Variants in ZNF195 observed in about 807,000 individuals in gnomAD.
The protein encoded by ZNF195 is hypoxia-regulated factor-1.
ZNF195 carries 11 observed loss-of-function variants against 19.5 expected under a neutral mutation model. That is an observed-to-expected ratio of 0.57 (90% CI 0.36 to 0.94). The LOEUF (loss-of-function observed/expected upper bound fraction) is 0.94. Ranked by LOEUF, ZNF195 falls within the 40% of genes least tolerant of loss-of-function variation. The pLI is 0.01. For missense variants in ZNF195, 582 were observed against 709.0 expected, an observed-to-expected ratio of 0.82 and a Z score of 2.03; for synonymous variants, 214 against 248.1, an observed-to-expected ratio of 0.86 and a Z score of 1.29.
intron 1 of ZNF195, chr11:3,377,606 T>A: frequency 8.3e-7 from 1 of 1,207,774 alleles, no homozygotes; most frequent in Non-Finnish European, 1.1e-6. Context: ...CTTAATGTCC[T>A]AAGTGGTTAC....
chr11:3,366,722 G>A (rs1589808663), intron 3 of ZNF195: 2 of 217,942 alleles, frequency 9.2e-6, no homozygotes, highest in African/African-American at 2.3e-5. Flanking sequence ...TGAAAACCAC[G>A]TAACCTGCTG....
At chr11:3,378,102 G>T (rs1849554635) in intron 1 of ZNF195, among the ~76,000 whole-genome samples, 1 of 152,108 alleles carries the variant, frequency 6.6e-6, no homozygotes, top group Non-Finnish European at 1.5e-5. Context: ...ATGAGGTCAG[G>T]AGTTCAAGAC....
chr11:3,372,439 C>T lies in ZNF195; in HGVS notation c.4-736G>A, dbSNP rs563652859. 2.8e-4 allele frequency among the ~76,000 whole-genome samples: 43 copies of T among 152,330 alleles called. No homozygotes were observed. In the South Asian group the frequency reaches 7.7e-3, roughly 27 times the overall value. ...ACTGTAATAGGACAGATTTTTATCA[C>T]GTGCCAATGCACAGAGAAGGACATA... On this transcript the variant is annotated intron_variant, in intron 1 of 5. Transcript: ENST00000399602.
intron 1 of ZNF195, chr11:3,373,654 C>T (rs1849320532): frequency 1.9e-6 from 3 of 1,547,022 alleles, no homozygotes; most frequent in Non-Finnish European, 2.6e-6. Flanking sequence ...GGACAAATCA[C>T]ACCTGCATCG....
rs753074260 is a variant in ZNF195, at chr11:3,366,836, G to A, written c.226+4139C>T. ...CCCCAGCACTTCGGGAGACCGAGGCGGGTGGATCACTTGAGCCCAGGAGTC... is the reference window on the plus strand; with the variant it reads ...CCCCAGCACTTCGGGAGACCGAGGCAGGTGGATCACTTGAGCCCAGGAGTC... On this transcript the variant is annotated intron_variant, in intron 3 of 5. Coordinates refer to ENST00000399602, the MANE Select transcript of ZNF195 (RefSeq NM_001130520.3). 1.3e-4 allele frequency: 55 copies of A among 418,860 alleles called. No homozygotes were observed. In the East Asian group the frequency reaches 1.6e-3, roughly 12 times the overall value. The allele number at this position is 418,860 out of a possible 1,614,324, so 25.9% of individuals were successfully genotyped here.
Position 3,361,781 on chromosome 11 carries a change from G to A in ZNF195, c.335C>T (p.Ala112Val), listed in dbSNP as rs756985728. Residue 112 changes from alanine (A) to valine (V), a missense_variant, in exon 4 of 6, where the codon GCC (alanine) becomes GTC (valine). Ala to Val is a moderately conservative substitution (Grantham distance 64). Around this residue, in one of 3 missense-constraint regions of ZNF195, gnomAD observed 129 missense variants for 112.1 expected, o/e 1.15. Transcript: ENST00000399602. ...SAGITGVNHR[A>V]QPGLNVSVDK... Reference sequence around the variant, plus strand: ...CACAGAAACATTGAGGCCTGGCTGGGCACGGTGGTTCACACCTGTAATCCC... The same window carrying A: ...CACAGAAACATTGAGGCCTGGCTGGACACGGTGGTTCACACCTGTAATCCC... The A allele has an allele frequency of 1.1e-4, 143 of 1,244,494 alleles. No individual in the cohort carries two copies. Among genetic ancestry groups the A allele is most frequent in the Non-Finnish European group, 1.5e-4 (143 of 934,824 alleles). 77.1% of individuals were successfully genotyped at this position (1,244,494 alleles called of 1,614,324 possible). A position where few individuals can be genotyped will look rare whatever the true frequency, so the allele number is the denominator to read the frequency against.
rs538029787 is a variant in ZNF195, at chr11:3,377,576, T to C, written c.3+1462A>G. The C allele has an allele frequency of 1.5e-4, 167 of 1,101,046 alleles. 1 individual carries two copies. In the Middle Eastern group the frequency reaches 3.4e-3, roughly 22 times the overall value. The allele number at this position is 1,101,046 out of a possible 1,614,324, so 68.2% of individuals were successfully genotyped here. ...GCCATGTGTCTCCAGGGATTGAAAG[T>C]TGGGTTGGGTGAAGACAATCTTAAT... On this transcript the variant is annotated intron_variant, in intron 1 of 5. Transcript: ENST00000399602.
chr11:3,367,078 A>C, intron 3 of ZNF195: 1 of 204,342 alleles, frequency 4.9e-6, no homozygotes, highest in Non-Finnish European at 9.3e-6. Flanking sequence ...AAAAAAAAAA[A>C]AGCATAATTT....
intron 3 of ZNF195, among the ~76,000 whole-genome samples, chr11:3,370,365 A>C (rs186465189): frequency 7.2e-5 from 11 of 152,320 alleles, no homozygotes; most frequent in Non-Finnish European, 2.9e-5. Context: ...TTAAATGACC[A>C]ACCTCAGCTC....
rs562812545 is a variant in ZNF195, at chr11:3,361,789, G to C, written c.327C>G (p.Asn109Lys). The change falls in exon 4 of 6, where the codon AAC becomes AAG. Residue 109 changes from asparagine to lysine, a missense_variant. Transcript: ENST00000399602. ...CATTGAGGCCTGGCTGGGCACGGTG[G>C]TTCACACCTGTAATCCCAGCACTTT... ...ASQSAGITGVNHRAQPGLNVS... is the reference protein window; with the variant it reads ...ASQSAGITGVKHRAQPGLNVS... 43 of 1,148,284 alleles carry C rather than the reference G, an allele frequency of 3.7e-5. 1 individual carries two copies. The East Asian group carries it at 9.2e-4, about 25-fold the overall frequency. 71.1% of individuals were successfully genotyped at this position (1,148,284 alleles called of 1,614,324 possible). A position where few individuals can be genotyped will look rare whatever the true frequency, so the allele number is the denominator to read the frequency against.
chr11:3,358,999 A>C lies in ZNF195; in HGVS notation c.*119T>G, dbSNP rs1848501255. 1.6e-6 allele frequency: 2 copies of C among 1,252,740 alleles called. No individual in the cohort carries two copies. The highest frequency in any genetic ancestry group is 2.5e-5 in the South Asian group (1 of 39,298). The allele number at this position is 1,252,740 out of a possible 1,614,324, so 77.6% of individuals were successfully genotyped here. ...TGCTCTGGAGACTTATATTTCATGA[A>C]AGGTCTTTCAATAGTAATTACATTT... is the stretch of plus-strand genomic sequence containing the variant. On this transcript the variant is annotated 3_prime_UTR_variant, in exon 6 of 6. Transcript: ENST00000399602.
Position 3,379,110 on chromosome 11 carries a change from G to C in ZNF195, c.-70C>G. 2.8e-6 allele frequency: 4 copies of C among 1,436,408 alleles called. No individual in the cohort carries two copies. Among genetic ancestry groups the C allele is most frequent in the South Asian group, 1.5e-5 (1 of 66,440 alleles). 89.0% of individuals were successfully genotyped at this position (1,436,408 alleles called of 1,614,324 possible). A position where few individuals can be genotyped will look rare whatever the true frequency, so the allele number is the denominator to read the frequency against. ...GGTGCCTGCGGGTCACACGACCTAC[G>C]GCTAGCAGGGGACACAGAGCCGCGG... On this transcript the variant is annotated 5_prime_UTR_variant, in exon 1 of 6. Transcript: ENST00000399602.
At chr11:3,363,825 A>C (rs11026744) in intron 3 of ZNF195, among the ~76,000 whole-genome samples, 19,613 of 152,246 alleles carry the variant, frequency 0.13, 1,630 homozygotes, top group East Asian at 0.42. Context: ...AGACAAATAG[A>C]CCAATAAAAC....
intron 1 of ZNF195, among the ~76,000 whole-genome samples, chr11:3,378,237 G>A (rs1032885568): frequency 2.6e-5 from 4 of 152,094 alleles, no homozygotes; most frequent in African/African-American, 9.7e-5. Context: ...TTGAACCCGG[G>A]AGGCAGAGGT....
intron 1 of ZNF195, chr11:3,377,475 C>T: frequency 7.0e-6 from 5 of 711,732 alleles, no homozygotes; most frequent in Non-Finnish European, 9.0e-6. Flanking sequence ...TGTCTCCCTT[C>T]ACAAATCTGA....
At chr11:3,370,430 T>C (rs145625334) in intron 3 of ZNF195, among the ~76,000 whole-genome samples, 1 of 152,230 alleles carries the variant, frequency 6.6e-6, no homozygotes, top group Admixed American at 6.5e-5. Context: ...GATTATCTCA[T>C]ATTTGGGCAG....
chr11:3,371,023 T>C lies in ZNF195; in HGVS notation c.178A>G (p.Lys60Glu), dbSNP rs1849182059. 1 of 1,614,154 alleles carries C rather than the reference T, an allele frequency of 6.2e-7. No individual in the cohort carries two copies. Among genetic ancestry groups the C allele is most frequent in the Non-Finnish European group, 8.5e-7 (1 of 1,180,006 alleles). ...PGLITCLEQR[K>E]EPWNVKRQEA... ...TGTCTCTTCACATTCCAGGGCTCTT[T>C]TCGTTGCTCCAGGCAGGTGATCAGG... is the stretch of plus-strand genomic sequence containing the variant. Residue 60 changes from lysine (K) to glutamate (E), a missense_variant, in exon 3 of 6, where the codon AAA (lysine) becomes GAA (glutamate). Physicochemically the swap from Lys to Glu is moderately conservative, Grantham distance 56 (BLOSUM62 1). This residue lies in a region of ZNF195 where 129 missense variants were observed against 112.1 expected (regional missense o/e 1.15). Coordinates refer to ENST00000399602, the MANE Select transcript of ZNF195 (RefSeq NM_001130520.3).
intron 1 of ZNF195, chr11:3,377,583 G>A (rs1849527621): frequency 1.8e-6 from 2 of 1,114,066 alleles, no homozygotes; most frequent in Non-Finnish European, 2.3e-6. Flanking sequence ...AAGTTGGGTT[G>A]GGTGAAGACA....
intron 3 of ZNF195, chr11:3,369,116 T>C (rs996416388): frequency 1.4e-5 from 4 of 282,668 alleles, no homozygotes; most frequent in Non-Finnish European, 2.8e-5. Flanking sequence ...AATCAAACTT[T>C]TGGATACTAG....
Sources: gnomAD v4.1 joint callset for allele counts (sites outside exome capture counted in the v4.1 genomes callset) on GRCh38, gnomAD v4.1.1 for gene constraint, gnomAD v4.1.1 regional missense constraint, MANE v1.5 for transcripts, NCBI Gene and HGNC (gene_info 2026-07-23, HGNC 2026-07-21) for gene names.